Variants in SNTG1 observed in about 807,000 individuals in gnomAD.
The protein encoded by SNTG1 is syntrophin gamma 1, also known as gamma-1-syntrophin.
A neutral mutation model predicts 74.7 loss-of-function variants in SNTG1; 39 were observed. That is an observed-to-expected ratio of 0.52 (90% confidence interval 0.40 to 0.68). The LOEUF is 0.68. Among genes scored for constraint, SNTG1 ranks in the 30% least tolerant of loss-of-function variants. SNTG1 has a pLI of 0.00. For missense variants in SNTG1, 685 were observed against 609.5 expected (o/e 1.12, Z -1.30); for synonymous variants, 254 against 217.1 (o/e 1.17, Z -1.49).
intron 1 of SNTG1, among the ~76,000 whole-genome samples, chr8:49,976,915 G>A (rs946270296): frequency 2.0e-5 from 3 of 152,178 alleles, no homozygotes; most frequent in Admixed American, 2.0e-4. Context: ...GAATCATAGA[G>A]GAAAGCAGCT....
chr8:50,726,074 G>A (rs2095499330), intron 17 of SNTG1, among the ~76,000 whole-genome samples: 2 of 152,148 alleles, frequency 1.3e-5, no homozygotes, highest in Admixed American at 1.3e-4. Context: ...ACAGGTATGT[G>A]ACATGTGGTA....
intron 15 of SNTG1, among the ~76,000 whole-genome samples, chr8:50,685,795 G>A (rs2131410712): frequency 6.6e-6 from 1 of 152,264 alleles, no homozygotes. Flanking sequence ...AATGGAGGAA[G>A]AGTCAGATTT....
intron 3 of SNTG1, among the ~76,000 whole-genome samples, chr8:50,400,119 C>T (rs759391923): frequency 6.6e-6 from 1 of 152,160 alleles, no homozygotes; most frequent in Non-Finnish European, 1.5e-5. Flanking sequence ...ATCAATATTA[C>T]AGCGGATTCT....
chr8:50,050,325 T>G (rs1315642857), intron 1 of SNTG1, among the ~76,000 whole-genome samples: 1 of 151,944 alleles, frequency 6.6e-6, no homozygotes, highest in Admixed American at 6.6e-5. Flanking sequence ...TGAACAAGCC[T>G]GTGCTTACAA....
rs145432537 is a variant in SNTG1 at position 50,203,588 on chromosome 8, T to C, written c.-28+30953T>C. Among the ~76,000 whole-genome samples, 67 of 152,316 alleles carry C rather than the reference T, an allele frequency of 4.4e-4. 2 individuals carry two copies. The East Asian group carries it at 0.012, about 26-fold the overall frequency. ...TCGGCTCCTTACTTAGTGGTTGTTCTTTGTGTGCAGAAAACCAAGCGAAAA... is the reference window on the plus strand; with the variant it reads ...TCGGCTCCTTACTTAGTGGTTGTTCCTTGTGTGCAGAAAACCAAGCGAAAA... On this transcript the variant is annotated intron_variant, in intron 2 of 18. Coordinates refer to ENST00000642720, the MANE Select transcript of SNTG1 (RefSeq NM_018967.5).
intron 18 of SNTG1, among the ~76,000 whole-genome samples, chr8:50,788,028 G>A (rs1280182347): frequency 2.6e-5 from 4 of 152,024 alleles, no homozygotes; most frequent in Admixed American, 6.6e-5. Context: ...CAGAAAAAAG[G>A]TGAATGACAC....
chr8:50,663,969 C>G (rs2095238261), intron 15 of SNTG1, among the ~76,000 whole-genome samples: 1 of 152,122 alleles, frequency 6.6e-6, no homozygotes, highest in African/African-American at 2.4e-5. Context: ...ATCCTGATGA[C>G]TCCAAATGCA....
intron 4 of SNTG1, among the ~76,000 whole-genome samples, chr8:50,431,797 T>G (rs184922550): frequency 9.8e-5 from 15 of 152,336 alleles, no homozygotes; most frequent in Middle Eastern, 3.4e-3. Context: ...GAACATGTCT[T>G]CATAGGCTTG....
intron 1 of SNTG1, among the ~76,000 whole-genome samples, chr8:49,934,526 G>A (rs1045811730): frequency 2.6e-5 from 4 of 152,094 alleles, no homozygotes; most frequent in East Asian, 1.9e-4. Context: ...AGACTAATGC[G>A]AAAGTGGAAG....
chr8:50,209,484 T>C (rs1420517900), intron 2 of SNTG1, among the ~76,000 whole-genome samples: 1 of 152,160 alleles, frequency 6.6e-6, no homozygotes, highest in Non-Finnish European at 1.5e-5. Flanking sequence ...AGGGGCCGAC[T>C]GACACCTCAT....
intron 2 of SNTG1, among the ~76,000 whole-genome samples, chr8:50,297,456 A>G (rs1012693448): frequency 5.3e-5 from 8 of 152,036 alleles, no homozygotes; most frequent in African/African-American, 1.9e-4. Context: ...AGAAGTCACA[A>G]CTTTTCACTT....
At chr8:50,081,472 A>G (rs1282021784) in intron 1 of SNTG1, among the ~76,000 whole-genome samples, 1 of 152,056 alleles carries the variant, frequency 6.6e-6, no homozygotes, top group Non-Finnish European at 1.5e-5. Context: ...AAATTGAGAC[A>G]TTTTCAATTA....
At chr8:50,342,436 C>G (rs2957603) in intron 2 of SNTG1, among the ~76,000 whole-genome samples, 146,690 of 152,242 alleles carry the variant, frequency 0.96, 70,924 homozygotes, top group East Asian at 1. Flanking sequence ...TGGTGAACCA[C>G]AGACTAATTA....
chr8:50,408,540 C>A (rs1262519423), intron 4 of SNTG1, among the ~76,000 whole-genome samples: 1 of 152,112 alleles, frequency 6.6e-6, no homozygotes, highest in Non-Finnish European at 1.5e-5. Flanking sequence ...TCTGTATCTG[C>A]ACCAAGGCAG....
intron 3 of SNTG1, among the ~76,000 whole-genome samples, chr8:50,395,507 T>TTG (rs1785880866): frequency 6.6e-4 from 1 of 1,510 alleles, no homozygotes; most frequent in Non-Finnish European, 3.6e-3. Context: ...CTAATTTCTG[T>TTG]TTTTTTTTTT....
intron 4 of SNTG1, among the ~76,000 whole-genome samples, chr8:50,434,524 A>T (rs185926197): frequency 6.6e-6 from 1 of 152,072 alleles, no homozygotes; most frequent in East Asian, 1.9e-4. Flanking sequence ...AAGTGGTCCT[A>T]TTTCTCCACA....
chr8:50,737,825 T>C (rs567268427), intron 17 of SNTG1, among the ~76,000 whole-genome samples: 134 of 152,200 alleles, frequency 8.8e-4, no homozygotes, highest in African/African-American at 3.2e-3. Flanking sequence ...ATTATCTCAG[T>C]AGATGCAGAA....
At chr8:50,026,129 A>G (rs1232304987) in intron 1 of SNTG1, among the ~76,000 whole-genome samples, 1 of 152,184 alleles carries the variant, frequency 6.6e-6, no homozygotes, top group African/African-American at 2.4e-5. Flanking sequence ...CTTGTATGCC[A>G]TTTTCAATCA....
intron 13 of SNTG1, among the ~76,000 whole-genome samples, chr8:50,650,198 T>G (rs1316451544): frequency 6.6e-6 from 1 of 152,130 alleles, no homozygotes; most frequent in African/African-American, 2.4e-5. Flanking sequence ...TTAAAGATTC[T>G]ATCATGAATA....
Sources: allele counts gnomAD v4.1 joint callset (sites outside exome capture counted in the v4.1 genomes callset), GRCh38; gene constraint gnomAD v4.1.1; transcripts MANE v1.5; gene names NCBI Gene and HGNC (gene_info 2026-07-23, HGNC 2026-07-21).